Variants in ZFAND3 observed in about 807,000 individuals in gnomAD.
The protein encoded by ZFAND3 is AN1-type zinc finger protein 3.
Under a neutral mutation model 29.6 loss-of-function variants are expected in ZFAND3, and 10 were observed. The observed-to-expected ratio is 0.34, with a 90% CI of 0.21 to 0.57. The LOEUF is 0.57. ZFAND3 is among the 20% of genes least tolerant of loss of function. The pLI is 0.86. For missense variants in ZFAND3, 230 were observed against 304.5 expected, an observed-to-expected ratio of 0.76 and a Z score of 1.82; for synonymous variants, 128 against 112.6, an observed-to-expected ratio of 1.14 and a Z score of -0.87.
chr6:37,974,166 G>A (rs1581804160), intron 2 of ZFAND3, among the ~76,000 whole-genome samples: 1 of 152,088 alleles, frequency 6.6e-6, no homozygotes, highest in East Asian at 1.9e-4. Flanking sequence ...AGGTTCAAGC[G>A]ATTCTCATGT....
At chr6:37,854,483 C>T (rs183638484) in intron 1 of ZFAND3, among the ~76,000 whole-genome samples, 398 of 152,176 alleles carry the variant, frequency 2.6e-3, no homozygotes, top group Non-Finnish European at 5.1e-3. Context: ...GGATCCAGGT[C>T]CCCAGGTTAT....
chr6:38,065,575 A>G (rs186740475), intron 3 of ZFAND3, among the ~76,000 whole-genome samples: 4 of 152,334 alleles, frequency 2.6e-5, no homozygotes, highest in East Asian at 1.9e-4. Context: ...AATATAGCCT[A>G]TTAGGGTAGG....
intron 3 of ZFAND3, among the ~76,000 whole-genome samples, chr6:38,077,299 A>G (rs1266611704): frequency 1.3e-5 from 2 of 152,202 alleles, no homozygotes; most frequent in East Asian, 3.8e-4. Flanking sequence ...AGCCTGGAAA[A>G]GTGAGATGCT....
chr6:38,141,482 T>TGCAC (rs1765953343), intron 5 of ZFAND3, among the ~76,000 whole-genome samples: 1 of 152,252 alleles, frequency 6.6e-6, no homozygotes, highest in South Asian at 2.1e-4. Flanking sequence ...CACTGAGTAC[T>TGCAC]TTCCAGGCTG....
At chr6:37,945,942 A>G (rs73730832) in intron 2 of ZFAND3, among the ~76,000 whole-genome samples, 4,535 of 152,276 alleles carry the variant, frequency 0.03, 179 homozygotes, top group African/African-American at 0.086. Context: ...AAATTTGGTC[A>G]GTGATTCTAG....
At chr6:38,055,222 G>A (rs1764110776) in intron 2 of ZFAND3, among the ~76,000 whole-genome samples, 1 of 152,104 alleles carries the variant, frequency 6.6e-6, no homozygotes, top group East Asian at 1.9e-4. Context: ...GAAACATGAA[G>A]TATTTTATGG....
At chr6:38,075,715 T>G (rs1764539312) in intron 3 of ZFAND3, among the ~76,000 whole-genome samples, 1 of 152,000 alleles carries the variant, frequency 6.6e-6, no homozygotes. Context: ...CAGAGAAATC[T>G]TTTGTGAAAG....
intron 4 of ZFAND3, among the ~76,000 whole-genome samples, chr6:38,097,719 A>T (rs1765010016): frequency 2.6e-5 from 4 of 152,334 alleles, no homozygotes; most frequent in African/African-American, 9.6e-5. Flanking sequence ...TGCTCAGTAG[A>T]TAATAGAGAT....
intron 1 of ZFAND3, among the ~76,000 whole-genome samples, chr6:37,927,911 G>A (rs1761518422): frequency 1.3e-5 from 2 of 152,158 alleles, no homozygotes; most frequent in Admixed American, 6.5e-5. Context: ...TGTAATCTTC[G>A]GCAAGTTACA....
At chr6:37,826,478 A>G (rs1425888928) in intron 1 of ZFAND3, among the ~76,000 whole-genome samples, 1 of 152,168 alleles carries the variant, frequency 6.6e-6, no homozygotes, top group Non-Finnish European at 1.5e-5. Context: ...TCTTGGCTGG[A>G]TGCTGTGGCT....
chr6:37,937,330 C>G (rs1430404360), intron 2 of ZFAND3, among the ~76,000 whole-genome samples: 1 of 152,150 alleles, frequency 6.6e-6, no homozygotes, highest in African/African-American at 2.4e-5. Context: ...GCTTGTCATA[C>G]CTTGATTTTT....
At chr6:37,827,408 A>G (rs1221856699) in intron 1 of ZFAND3, among the ~76,000 whole-genome samples, 1 of 152,132 alleles carries the variant, frequency 6.6e-6, no homozygotes. Flanking sequence ...ACCTTTTTGA[A>G]AGTTGATAGG....
Position 37,917,383 on chromosome 6 carries a change from A to T in ZFAND3, c.72-12576A>T, listed in dbSNP as rs16890247. On this transcript the variant is annotated intron_variant, in intron 1 of 5. Transcript: ENST00000287218. ...TCATTGCTCTTAACACTACCCCTGT[A>T]GCAACTGTTTTTACCCTGAAGACAG... is the stretch of plus-strand genomic sequence containing the variant. Among the ~76,000 whole-genome samples, 2,418 of 152,324 alleles carry T rather than the reference A, an allele frequency of 0.016. 253 individuals are homozygous for T. The East Asian group carries it at 0.28, about 18-fold the overall frequency.
chr6:38,119,562 T>C (rs1218374746), intron 5 of ZFAND3, among the ~76,000 whole-genome samples: 1 of 152,220 alleles, frequency 6.6e-6, no homozygotes, highest in African/African-American at 2.4e-5. Context: ...TGAATTGTGA[T>C]GGGCCTTTTT....
At chr6:38,040,945 T>A (rs192634938) in intron 2 of ZFAND3, among the ~76,000 whole-genome samples, 7 of 152,346 alleles carry the variant, frequency 4.6e-5, no homozygotes, top group Admixed American at 3.9e-4. Context: ...AAGATAACTA[T>A]TCCCTGCTGC....
chr6:38,003,673 G>GTTTTT, intron 2 of ZFAND3: 3 of 280,542 alleles, frequency 1.1e-5, no homozygotes, highest in Non-Finnish European at 1.4e-5. Flanking sequence ...TAATTTTTGT[G>GTTTTT]TTTTTTTTTT....
intron 2 of ZFAND3, among the ~76,000 whole-genome samples, chr6:38,034,503 C>CA (rs1561974057): frequency 6.6e-6 from 1 of 152,126 alleles, no homozygotes; most frequent in Non-Finnish European, 1.5e-5. Flanking sequence ...GCAAAGCCAG[C>CA]AGAGGGAGCA....
chr6:38,132,481 A>G (rs969203339), intron 5 of ZFAND3, among the ~76,000 whole-genome samples: 12 of 152,224 alleles, frequency 7.9e-5, no homozygotes, highest in Non-Finnish European at 1.8e-4. Flanking sequence ...CACTCCAGCC[A>G]GGGTAACAGA....
In ZFAND3 at chr6:38,100,994, G is replaced by A. The variant is rs1765081790; in HGVS notation, c.362-15578G>A. Among the ~76,000 whole-genome samples, 3 of 152,152 alleles carry A rather than the reference G, an allele frequency of 2.0e-5. No individual in the cohort carries two copies. The South Asian group carries it at 6.2e-4, about 31-fold the overall frequency. On this transcript the variant is annotated intron_variant, in intron 4 of 5. Coordinates refer to ENST00000287218, the MANE Select transcript of ZFAND3 (RefSeq NM_021943.3). ...CTTAAAATCGGAATTATTTTACACA[G>A]CTACAGTACAATTGTCAAAATTGCG...
Sources: allele counts gnomAD v4.1 joint callset (sites outside exome capture counted in the v4.1 genomes callset), GRCh38; gene constraint gnomAD v4.1.1; transcripts MANE v1.5; gene names NCBI Gene and HGNC (gene_info 2026-07-23, HGNC 2026-07-21).